The following SEC11C variants were observed in gnomAD, a reference collection of about 807,000 sequenced individuals.
SEC11C encodes SEC11 homolog C, signal peptidase complex subunit, also known as signal peptidase complex catalytic subunit SEC11C.
In SEC11C, 10 loss-of-function variants were observed where a neutral mutation model predicts 21.9. The observed-to-expected ratio is 0.46, with a 90% CI of 0.28 to 0.77. The LOEUF (loss-of-function observed/expected upper bound fraction) is 0.77. SEC11C is among the 30% of genes least tolerant of loss of function. SEC11C has a pLI of 0.12. For missense variants in SEC11C, 145 were observed against 244.5 expected (o/e 0.59, Z 2.71); for synonymous variants, 83 against 85.6 (o/e 0.97, Z 0.17).
At chr18:59,157,376 A>T (rs2069430097) in intron 4 of SEC11C, 1 of 407,428 alleles carries the variant, frequency 2.5e-6, no homozygotes. Flanking sequence ...GACAACCAGC[A>T]TCACTATCTC....
At chr18:59,141,165 C>G (rs2069205930) in intron 1 of SEC11C, among the ~76,000 whole-genome samples, 1 of 152,162 alleles carries the variant, frequency 6.6e-6, no homozygotes, top group Admixed American at 6.5e-5. Context: ...TCTCCTCCCC[C>G]TTCCCCAAGT....
intron 5 of SEC11C, among the ~76,000 whole-genome samples, 162 bp downstream of exon 5, chr18:59,157,827 C>T (rs1212255661): frequency 6.6e-6 from 1 of 152,164 alleles, no homozygotes; most frequent in African/African-American, 2.4e-5. Context: ...AAAGCAGCAA[C>T]ACTTAAATTA....
intron 1 of SEC11C, among the ~76,000 whole-genome samples, chr18:59,148,664 AGTGCAGTC>A (rs1311792789): frequency 6.7e-6 from 1 of 149,786 alleles, no homozygotes; most frequent in African/African-American, 2.5e-5. Context: ...CCCAGGCTGG[AGTGCAGTC>A]GTGCAGTCAC....
At chr18:59,146,159 G>A (rs2069273417) in intron 1 of SEC11C, among the ~76,000 whole-genome samples, 1 of 152,152 alleles carries the variant, frequency 6.6e-6, no homozygotes, top group Admixed American at 6.5e-5. Flanking sequence ...GATATGATGA[G>A]AGTGGCAGCA....
intron 1 of SEC11C, chr18:59,146,871 C>T (rs1244206582): frequency 6.6e-6 from 1 of 152,288 alleles, no homozygotes; most frequent in East Asian, 1.9e-4. Flanking sequence ...TCCCAGTGAT[C>T]CAGCTGGTCT....
intron 1 of SEC11C, among the ~76,000 whole-genome samples, chr18:59,142,383 G>A (rs982894659): frequency 8.1e-6 from 1 of 123,634 alleles, no homozygotes; most frequent in African/African-American, 3.5e-5. Context: ...TTTTATCGGG[G>A]TGGAGCCAGA....
chr18:59,143,308 G>A lies in SEC11C; in HGVS notation c.87+3273G>A, dbSNP rs180808704. ...GCGGAGGTTGTAGTGAGCAGAGATC[G>A]CGCCATTGCACTCCAGTTTGGGCAA... On this transcript the variant is annotated intron_variant, in intron 1 of 5. Coordinates refer to ENST00000587834, the MANE Select transcript of SEC11C (RefSeq NM_033280.4). Among the ~76,000 whole-genome samples the A allele has an allele frequency of 4.0e-3, 565 of 141,954 alleles. 3 individuals carry two copies. The highest frequency in any genetic ancestry group is 0.014 in the African/African-American group (530 of 36,886). 93.1% of individuals were successfully genotyped at this position (141,954 alleles called of 152,430 possible). A position where few individuals can be genotyped will look rare whatever the true frequency, so the allele number is the denominator to read the frequency against.
At chr18:59,150,718 T>A (rs904629538) in intron 2 of SEC11C, among the ~76,000 whole-genome samples, 3 of 152,180 alleles carry the variant, frequency 2.0e-5, no homozygotes, top group Admixed American at 6.5e-5. Flanking sequence ...CTGGTAAGAT[T>A]TCATGTGAAG....
intron 4 of SEC11C, chr18:59,156,408 T>A (rs1224988292): frequency 6.6e-6 from 1 of 152,232 alleles, no homozygotes; most frequent in Non-Finnish European, 1.5e-5. Flanking sequence ...TGGAAATAGC[T>A]TTTCGTGTCA....
At position 59,155,685 on chromosome 18, in the gene SEC11C, C is replaced by T. The variant is rs766731963; in HGVS notation, c.348-3C>T. 1 of 1,609,266 alleles carries T rather than the reference C, an allele frequency of 6.2e-7. No homozygotes were observed. Among genetic ancestry groups the T allele is most frequent in the Non-Finnish European group, 8.5e-7 (1 of 1,178,542 alleles). On this transcript the variant is annotated splice_region_variant and splice_polypyrimidine_tract_variant and intron_variant, in intron 3 of 5. Coordinates refer to ENST00000587834, the MANE Select transcript of SEC11C (RefSeq NM_033280.4). ...TTTGAGAAGACATTATTTTGCTTTC[C>T]AGAGATAATGGAGACATCAAATTTC...
At chr18:59,149,787 G>A (rs74845037) in intron 2 of SEC11C, among the ~76,000 whole-genome samples, 165 bp downstream of exon 2, 3,434 of 151,754 alleles carry the variant, frequency 0.023, 222 homozygotes, top group East Asian at 0.21. Flanking sequence ...AAAATGTTTC[G>A]TTTTTTTTCT....
At chr18:59,156,353 T>C (rs1352688266) in intron 4 of SEC11C, 1 of 152,218 alleles carries the variant, frequency 6.6e-6, no homozygotes, top group African/African-American at 2.4e-5. Flanking sequence ...TATGCATATA[T>C]ATAATTTTAC....
chr18:59,140,951 A>G (rs7242218), intron 1 of SEC11C, among the ~76,000 whole-genome samples: 31,456 of 152,034 alleles, frequency 0.21, 4,056 homozygotes, highest in East Asian at 0.39. Context: ...GGTGGATACT[A>G]ATGCCACTAT....
At chr18:59,140,073 C>T in intron 1 of SEC11C, 38 bp downstream of exon 1, 1 of 1,536,646 alleles carries the variant, frequency 6.5e-7, no homozygotes, top group Non-Finnish European at 8.8e-7. Flanking sequence ...GTGGCCGGGA[C>T]CGCCTGTGCT....
chr18:59,154,995 G>T (rs754766561), intron 3 of SEC11C, among the ~76,000 whole-genome samples: 5 of 152,190 alleles, frequency 3.3e-5, no homozygotes, highest in Non-Finnish European at 7.3e-5. Context: ...AACCTGGGAG[G>T]CAGAGGTTGC....
Position 59,150,668 on chromosome 18 carries a change from C to G in SEC11C, c.197+1046C>G, listed in dbSNP as rs148341738. ...GGAAGCCTTAGCCTTGCTTCACATG[C>G]AACAGCACCACCTTCATGTCTTTTA... On this transcript the variant is annotated intron_variant, in intron 2 of 5. Coordinates refer to ENST00000587834, the MANE Select transcript of SEC11C (RefSeq NM_033280.4). Among the ~76,000 whole-genome samples, 23 of 152,242 alleles carry G rather than the reference C, an allele frequency of 1.5e-4. 1 individual carries two copies. Among genetic ancestry groups the G allele is most frequent in the African/African-American group, 5.1e-4 (21 of 41,558 alleles).
At chr18:59,145,541 T>C (rs1000518565) in intron 1 of SEC11C, among the ~76,000 whole-genome samples, 12 of 152,134 alleles carry the variant, frequency 7.9e-5, no homozygotes, top group African/African-American at 2.9e-4. Flanking sequence ...ATACCACCAG[T>C]GCAGCTGGGG....
chr18:59,155,080 T>C (rs1384332790), intron 3 of SEC11C, among the ~76,000 whole-genome samples: 1 of 151,710 alleles, frequency 6.6e-6, no homozygotes, highest in Admixed American at 6.6e-5. Flanking sequence ...AACAAACAAA[T>C]AAATAAACAA....
intron 1 of SEC11C, among the ~76,000 whole-genome samples, chr18:59,141,290 A>T (rs1478470704): frequency 6.6e-6 from 1 of 152,250 alleles, no homozygotes; most frequent in African/African-American, 2.4e-5. Flanking sequence ...TGTTTCTGGA[A>T]GATGAGTTGT....
Sources: allele counts gnomAD v4.1 joint callset (sites outside exome capture counted in the v4.1 genomes callset), GRCh38; gene constraint gnomAD v4.1.1; transcripts MANE v1.5; gene names NCBI Gene and HGNC (gene_info 2026-07-23, HGNC 2026-07-21).